The following RABGEF1 variants were observed in gnomAD, a reference collection of about 807,000 sequenced individuals.
RABGEF1 encodes rab5 GDP/GTP exchange factor.
In RABGEF1, 26 loss-of-function variants were observed where a neutral mutation model predicts 57.3. That is an observed-to-expected ratio of 0.45 (90% confidence interval 0.33 to 0.63). RABGEF1 has a LOEUF of 0.63. Among genes scored for constraint, RABGEF1 ranks in the 20% least tolerant of loss-of-function variants. RABGEF1 has a pLI of 0.02. For missense variants in RABGEF1, 464 were observed against 607.6 expected (o/e 0.76, Z 2.48); for synonymous variants, 185 against 210.7 (o/e 0.88, Z 1.06).
chr7:66,729,933 A>G (rs1012723587), intron 2 of RABGEF1, among the ~76,000 whole-genome samples: 32 of 152,156 alleles, frequency 2.1e-4, no homozygotes, highest in Admixed American at 1.2e-3. Context: ...GTGGCTCATC[A>G]TCAGGGCCAC....
At chr7:66,741,985 A>AG (rs1025120160) in intron 1 of RABGEF1, among the ~76,000 whole-genome samples, 3 of 151,772 alleles carry the variant, frequency 2.0e-5, no homozygotes, top group Admixed American at 6.6e-5. Flanking sequence ...AAATAAAAAA[A>AG]AAAAAGAAAA....
At chr7:66,681,168 GTCTA>G (rs984941048), upstream of RABGEF1, among the ~76,000 whole-genome samples, 1 of 152,144 alleles carries the variant, frequency 6.6e-6, no homozygotes, top group Non-Finnish European at 1.5e-5. Context: ...TCCAACCCAG[GTCTA>G]TCTAAGAGCC....
intron 5 of RABGEF1, 24 bp from the exon 6 acceptor site, chr7:66,797,350 C>T: frequency 6.7e-7 from 1 of 1,491,278 alleles, no homozygotes; most frequent in South Asian, 1.2e-5. Context: ...ATATCTTGAT[C>T]TTTTCTCTGT....
At chr7:66,714,110 A>G (rs1220465918) in intron 2 of RABGEF1, among the ~76,000 whole-genome samples, 1 of 152,068 alleles carries the variant, frequency 6.6e-6, no homozygotes, top group East Asian at 1.9e-4. Context: ...TCATTTCCCT[A>G]TTTTCTGGAA....
chr7:66,718,964 T>G (rs546546052), intron 2 of RABGEF1, among the ~76,000 whole-genome samples: 17 of 152,362 alleles, frequency 1.1e-4, no homozygotes, highest in Non-Finnish European at 2.5e-4. Flanking sequence ...TTCTTACGAC[T>G]GCATCTTTCT....
exon 1 of RABGEF1, chr7:66,682,166 AG>A (rs1562686196): frequency 6.0e-6 from 1 of 167,252 alleles, no homozygotes; most frequent in African/African-American, 2.4e-5. Flanking sequence ...TGGGGAACCC[AG>A]ACCTGCCGAG....
chr7:66,790,355 A>G (rs148347454), intron 4 of RABGEF1, among the ~76,000 whole-genome samples: 3 of 152,276 alleles, frequency 2.0e-5, no homozygotes, highest in Non-Finnish European at 4.4e-5. Context: ...CTTTCTTCAC[A>G]TGCGACAGGC....
chr7:66,683,692 C>A (rs1242979647), intron 1 of RABGEF1, among the ~76,000 whole-genome samples: 2 of 151,698 alleles, frequency 1.3e-5, no homozygotes, highest in Admixed American at 1.3e-4. Flanking sequence ...GAGGGGGGAA[C>A]CAAAGGAGGG....
intron 6 of RABGEF1, 114 bp from the exon 7 acceptor site, chr7:66,799,209 C>A: frequency 1.4e-6 from 1 of 719,762 alleles, no homozygotes. Flanking sequence ...TGTGTGTGGG[C>A]CTGGGATTGA....
Position 66,811,415 on chromosome 7 carries a change from A to G in RABGEF1, c.*2131A>G, listed in dbSNP as rs921976886. On this transcript the variant is annotated 3_prime_UTR_variant, in exon 9 of 9. Transcript: ENST00000284957. ...AAATGTGACTGGAATACACCTTTGGAACGGAATTCTTTATCAATAAAGTTT... is the reference window on the plus strand; with the variant it reads ...AAATGTGACTGGAATACACCTTTGGGACGGAATTCTTTATCAATAAAGTTT... 3.3e-5 allele frequency: 5 copies of G among 152,468 alleles called. No homozygotes were observed. The highest frequency in any genetic ancestry group is 1.2e-4 in the African/African-American group (5 of 41,452). The allele number at this position is 152,468 out of a possible 1,614,324, so 9.4% of individuals were successfully genotyped here.
At chr7:66,686,623 T>G (rs1192176955) in intron 1 of RABGEF1, among the ~76,000 whole-genome samples, 1 of 152,226 alleles carries the variant, frequency 6.6e-6, no homozygotes, top group Non-Finnish European at 1.5e-5. Context: ...CGTAAACATG[T>G]GAAACAACAG....
chr7:66,767,527 G>A (rs773911125), intron 1 of RABGEF1, among the ~76,000 whole-genome samples: 4 of 152,090 alleles, frequency 2.6e-5, no homozygotes, highest in Non-Finnish European at 5.9e-5. Flanking sequence ...TTTTAAGATG[G>A]CTGCTATGGT....
At chr7:66,715,008 C>T (rs1795210237) in intron 2 of RABGEF1, among the ~76,000 whole-genome samples, 1 of 152,032 alleles carries the variant, frequency 6.6e-6, no homozygotes, top group South Asian at 2.1e-4. Context: ...TCCTCCTCCT[C>T]CTCTTCTTCT....
intron 1 of RABGEF1, among the ~76,000 whole-genome samples, chr7:66,687,856 C>T (rs771292167): frequency 3.9e-5 from 6 of 152,044 alleles, no homozygotes; most frequent in East Asian, 1.9e-4. Context: ...GAGGCTGAGG[C>T]GGGCAGATCC....
At chr7:66,723,170 T>C (rs1796235476) in intron 2 of RABGEF1, among the ~76,000 whole-genome samples, 1 of 152,174 alleles carries the variant, frequency 6.6e-6, no homozygotes. Flanking sequence ...GGTTTCACCA[T>C]GTTGGCCAGT....
chr7:66,737,138 G>A (rs1798085441), upstream of RABGEF1, among the ~76,000 whole-genome samples: 1 of 151,696 alleles, frequency 6.6e-6, no homozygotes, highest in Non-Finnish European at 1.5e-5. Context: ...CTGTGTTGCC[G>A]AGACTGGTCT....
chr7:66,686,449 G>A (rs189617865), intron 1 of RABGEF1, among the ~76,000 whole-genome samples: 20 of 152,172 alleles, frequency 1.3e-4, no homozygotes, highest in Non-Finnish European at 1.6e-4. Context: ...TACAGCCTGC[G>A]TGACAGAGTG....
intron 1 of RABGEF1, among the ~76,000 whole-genome samples, chr7:66,705,277 C>T (rs1382793769): frequency 6.6e-6 from 1 of 151,984 alleles, no homozygotes; most frequent in African/African-American, 2.4e-5. Flanking sequence ...CAGTGCATGC[C>T]TGTCCCAAAA....
the RABGEF1 span, among the ~76,000 whole-genome samples, chr7:66,658,533 CAAA>C: frequency 7.9e-5 from 6 of 75,550 alleles, no homozygotes; most frequent in Admixed American, 1.4e-4. Flanking sequence ...ACTTCGTCTC[CAAA>C]AAAAAAAAAA....
Sources: allele counts gnomAD v4.1 joint callset (sites outside exome capture counted in the v4.1 genomes callset), GRCh38; gene constraint gnomAD v4.1.1; transcripts MANE v1.5; gene names NCBI Gene and HGNC (gene_info 2026-07-23, HGNC 2026-07-21).